DAZAP2: variants seen among roughly 807,000 people sequenced by gnomAD.
DAZAP2 encodes DAZ associated protein 2.
Under a neutral mutation model 16.2 loss-of-function variants are expected in DAZAP2, and 3 were observed. That is an observed-to-expected ratio of 0.19 (90% CI 0.08 to 0.48). The LOEUF (loss-of-function observed/expected upper bound fraction) is 0.48, where lower values mean the gene tolerates loss of function less well. Among genes scored for constraint, DAZAP2 ranks in the 20% least tolerant of loss-of-function variants. The probability of loss-of-function intolerance (pLI) is 0.98; values close to 1 mark genes in which losing one functional copy is unlikely to be tolerated. For synonymous variants in DAZAP2, 69 were observed against 77.6 expected, an observed-to-expected ratio of 0.89 and a Z score of 0.58; for missense variants, 172 against 215.9, an observed-to-expected ratio of 0.80 and a Z score of 1.27.
In DAZAP2 at chr12:51,243,169, T is replaced by C. The variant is rs1273924919; in HGVS notation, c.*711T>C. 8.1e-6 allele frequency: 8 copies of C among 985,898 alleles called. No individual in the cohort carries two copies. The highest frequency in any genetic ancestry group is 9.6e-6 in the Non-Finnish European group (8 of 830,160). The allele number at this position is 985,898 out of a possible 1,614,324, so 61.1% of individuals were successfully genotyped here. A position where few individuals can be genotyped will look rare whatever the true frequency, so the allele number is the denominator to read the frequency against. ...CCTCAGGCAAAAGTGGAGGGTGCCT[T>C]ATGGGCCCTCCTCATAGGTTGTCTC... On this transcript the variant is annotated 3_prime_UTR_variant, in exon 4 of 4. Coordinates refer to ENST00000412716, the MANE Select transcript of DAZAP2 (RefSeq NM_014764.4).
At chr12:51,241,260 G>GTT in intron 3 of DAZAP2, 144 bp downstream of exon 3, 1 of 1,300,106 alleles carries the variant, frequency 7.7e-7, no homozygotes, top group Non-Finnish European at 1.0e-6. Flanking sequence ...GGCAGAAAGT[G>GTT]TTTGAGGGGG....
At chr12:51,241,837 C>T (rs1352059306) in intron 3 of DAZAP2, among the ~76,000 whole-genome samples, 1 of 151,908 alleles carries the variant, frequency 6.6e-6, no homozygotes, top group Non-Finnish European at 1.5e-5. Flanking sequence ...AGGAGAATCA[C>T]TTGAACCTGG....
At chr12:51,238,960 T>C (rs371629753) in intron 1 of DAZAP2, 40 bp downstream of exon 1, 1 of 1,611,238 alleles carries the variant, frequency 6.2e-7, no homozygotes, top group Non-Finnish European at 8.5e-7. Flanking sequence ...GGGGGAGTAC[T>C]GCTGGCCCAG....
intron 1 of DAZAP2, chr12:51,239,167 G>A (rs546305198): frequency 9.2e-6 from 5 of 543,626 alleles, no homozygotes; most frequent in East Asian, 7.0e-5. Context: ...GGGTGGTGGG[G>A]GGGCTTGACA....
intron 1 of DAZAP2, chr12:51,239,361 C>G (rs1235792917): frequency 5.6e-6 from 1 of 179,854 alleles, no homozygotes; most frequent in Non-Finnish European, 1.2e-5. Context: ...CTTCGCACCC[C>G]CTCGCCCTTC....
downstream of DAZAP2, chr12:51,243,975 T>G (rs1288804391): frequency 1.0e-6 from 1 of 962,092 alleles, no homozygotes; most frequent in Non-Finnish European, 1.2e-6. Context: ...TGTTCAACTT[T>G]TCATCATTTT....
downstream of DAZAP2, among the ~76,000 whole-genome samples, chr12:51,244,223 G>C (rs1321996292): frequency 1.3e-5 from 2 of 152,090 alleles, no homozygotes; most frequent in African/African-American, 2.4e-5. Flanking sequence ...TTTTGAGACA[G>C]GGTCTCCCTC....
chr12:51,246,604 CTGTGTGTGTGTGTGTGTG>C (rs59561227), downstream of DAZAP2: 862 of 338,208 alleles, frequency 2.5e-3, 5 homozygotes, highest in African/African-American at 0.019. Context: ...TCTTTTATGG[CTGTGTGTGTGTGTGTGTG>C]TGTGTGTGTG....
At chr12:51,246,696 G>T (rs764431864), downstream of DAZAP2, 73 of 1,408,144 alleles carry the variant, frequency 5.2e-5, 2 homozygotes, top group South Asian at 1.0e-3. Context: ...GCTCCCTCTG[G>T]AGAGAGATGC....
rs771602854 is a variant in DAZAP2, at chr12:51,240,868, T to C, written c.133-3T>C. The C allele has an allele frequency of 2.2e-5, 35 of 1,613,256 alleles. No homozygotes were observed. The highest frequency in any genetic ancestry group is 3.3e-5 in the Admixed American group (2 of 60,004). ...ATTTTGCCTTCTCTTCTGCCTCTTCTAGCTCTATCGTCCGAGCTTTGTGCA... is the reference window on the plus strand; with the variant it reads ...ATTTTGCCTTCTCTTCTGCCTCTTCCAGCTCTATCGTCCGAGCTTTGTGCA... On this transcript the variant is annotated splice_polypyrimidine_tract_variant and splice_region_variant and intron_variant, in intron 2 of 3. Transcript: ENST00000412716.
chr12:51,242,404 G>T lies in DAZAP2; in HGVS notation c.453G>T (p.Gln151His), dbSNP rs1944693887. Reference sequence around the variant, plus strand: ...AGGGAGCCAACGTCCTCGTAACTCAGCGGAAGGGGAACTTCTTCATGGGTG... The same window carrying T: ...AGGGAGCCAACGTCCTCGTAACTCATCGGAAGGGGAACTTCTTCATGGGTG... Reference protein sequence around the residue: ...VMQGANVLVTQRKGNFFMGGS... With the variant: ...VMQGANVLVTHRKGNFFMGGS... Residue 151 changes from glutamine to histidine, a missense_variant, in exon 4 of 4, where the codon CAG (glutamine) becomes CAT (histidine). Gln to His is a conservative substitution (Grantham distance 24, BLOSUM62 0). Coordinates refer to ENST00000412716, the MANE Select transcript of DAZAP2 (RefSeq NM_014764.4). 1.2e-6 allele frequency: 2 copies of T among 1,614,028 alleles called. No homozygotes were observed. The highest frequency in any genetic ancestry group is 1.7e-6 in the Non-Finnish European group (2 of 1,180,028).
intron 3 of DAZAP2, 148 bp downstream of exon 3, chr12:51,241,264 G>C (rs1275521197): frequency 6.3e-6 from 8 of 1,278,042 alleles, no homozygotes; most frequent in Non-Finnish European, 8.5e-6. Flanking sequence ...GAAAGTGTTT[G>C]AGGGGGCAGA....
Position 51,243,287 on chromosome 12 carries a change from C to A in DAZAP2, c.*829C>A. 3.0e-6 allele frequency: 3 copies of A among 985,814 alleles called. No homozygotes were observed. Among genetic ancestry groups the A allele is most frequent in the Non-Finnish European group, 3.6e-6 (3 of 829,946 alleles). The allele number at this position is 985,814 out of a possible 1,614,324, so 61.1% of individuals were successfully genotyped here. On this transcript the variant is annotated 3_prime_UTR_variant, in exon 4 of 4. Transcript: ENST00000412716. Reference sequence around the variant, plus strand: ...GTCGTGCAAACTGTACTGTGAACAACAGTTGGTTTAAAATATGAGGGGCAA... The same window carrying A: ...GTCGTGCAAACTGTACTGTGAACAAAAGTTGGTTTAAAATATGAGGGGCAA...
chr12:51,240,606 G>C, intron 2 of DAZAP2, 145 bp downstream of exon 2: 2 of 922,450 alleles, frequency 2.2e-6, no homozygotes, highest in Non-Finnish European at 3.3e-6. Context: ...GGCAATTTTT[G>C]TCGGAGTTGA....
downstream of DAZAP2, among the ~76,000 whole-genome samples, chr12:51,244,374 T>G (rs1222041244): frequency 1.3e-5 from 2 of 152,158 alleles, no homozygotes; most frequent in African/African-American, 2.4e-5. Flanking sequence ...TTTCTGTACT[T>G]TTAGTAGAGA....
downstream of DAZAP2, among the ~76,000 whole-genome samples, chr12:51,244,349 A>G (rs1944736069): frequency 6.6e-6 from 1 of 152,172 alleles, no homozygotes; most frequent in Non-Finnish European, 1.5e-5. Flanking sequence ...GGCACCTGCT[A>G]CAACACCTGG....
chr12:51,241,246 C>A, intron 3 of DAZAP2, 130 bp downstream of exon 3: 1 of 1,413,628 alleles, frequency 7.1e-7, no homozygotes, highest in Non-Finnish European at 9.5e-7. Flanking sequence ...ACATCCAATA[C>A]TCAGGCAGAA....
intron 3 of DAZAP2, 29 bp from the exon 4 acceptor site, chr12:51,242,301 G>T (rs759605132): frequency 6.4e-7 from 1 of 1,557,306 alleles, no homozygotes; most frequent in South Asian, 1.2e-5. Context: ...GCTGCCCTGT[G>T]CCCATTCTAT....
intron 1 of DAZAP2, chr12:51,239,123 T>C (rs1944611854): frequency 2.8e-6 from 2 of 712,492 alleles, no homozygotes; most frequent in Non-Finnish European, 4.4e-6. Flanking sequence ...CTTTCCTCCG[T>C]AAACTCTGTG....
Sources: allele counts gnomAD v4.1 joint callset (sites outside exome capture counted in the v4.1 genomes callset), GRCh38; gene constraint gnomAD v4.1.1; transcripts MANE v1.5; gene names NCBI Gene and HGNC (gene_info 2026-07-23, HGNC 2026-07-21).